PSTPIP1: variants seen among roughly 807,000 people sequenced by gnomAD.
The protein encoded by PSTPIP1 is proline-serine-threonine phosphatase interacting protein 1, also known as proline-serine-threonine phosphatase-interacting protein 1.
Under a neutral mutation model 69.6 loss-of-function variants are expected in PSTPIP1, and 66 were observed. The ratio of observed to expected loss-of-function variants is 0.95; its 90% CI spans 0.78 to 1.16. The LOEUF (loss-of-function observed/expected upper bound fraction) is 1.16. Ranked by LOEUF, PSTPIP1 falls within the 50% of genes most tolerant of loss-of-function variation. The probability of loss-of-function intolerance (pLI) is 0.00; values close to 1 mark genes in which losing one functional copy is unlikely to be tolerated. For missense variants in PSTPIP1, 603 were observed against 557.4 expected, an observed-to-expected ratio of 1.08 and a Z score of -0.82; for synonymous variants, 266 against 222.7, an observed-to-expected ratio of 1.19 and a Z score of -1.73.
Position 77,031,257 on chromosome 15 carries a change from G to T in PSTPIP1, c.720G>T (p.Met240Ile). The T allele has an allele frequency of 6.2e-7, 1 of 1,612,956 alleles. No homozygotes were observed. The highest frequency in any genetic ancestry group is 8.5e-7 in the Non-Finnish European group (1 of 1,179,576). ...ALWVHSNQLS[M>I]QCVKDDELYE... Reference sequence around the variant, plus strand: ...GGGTGCACAGCAACCAGCTCTCCATGCAGTGTGTCAAGGATGATGAGGTGG... The same window carrying T: ...GGGTGCACAGCAACCAGCTCTCCATTCAGTGTGTCAAGGATGATGAGGTGG... The change falls in exon 10 of 15, where the codon ATG (methionine) becomes ATT (isoleucine). Residue 240 changes from methionine (M) to isoleucine (I), a missense_variant. Physicochemically the swap from Met to Ile is conservative, Grantham distance 10. Transcript: ENST00000558012.
chr15:77,037,059 G>A lies in PSTPIP1; in HGVS notation c.1134G>A (p.Leu378=), dbSNP rs529402949. 5.5e-4 allele frequency: 883 copies of A among 1,612,220 alleles called. 3 individuals are homozygous for A. The highest frequency in any genetic ancestry group is 6.0e-4 in the East Asian group (27 of 44,876). Residue 378 remains leucine (L), a synonymous_variant, in exon 15 of 15, where the codon CTG becomes CTA. Transcript: ENST00000558012. ...YDYTAQNPDE[L]DLSAGDILEV... is the part of the protein sequence containing the mutation. ...CTCTTGGCCAGAACCCAGATGAGCTGGACCTGTCCGCGGGAGACATCCTGG... is the reference window on the plus strand; with the variant it reads ...CTCTTGGCCAGAACCCAGATGAGCTAGACCTGTCCGCGGGAGACATCCTGG...
At chr15:77,008,946 G>A (rs981454361) in intron 1 of PSTPIP1, among the ~76,000 whole-genome samples, 4 of 152,170 alleles carry the variant, frequency 2.6e-5, no homozygotes, top group East Asian at 1.9e-4. Flanking sequence ...CTTGGCAGGC[G>A]CCATCTTTGT....
At chr15:77,007,555 G>A (rs1179480253) in intron 1 of PSTPIP1, among the ~76,000 whole-genome samples, 8 of 151,958 alleles carry the variant, frequency 5.3e-5, no homozygotes, top group South Asian at 2.1e-4. Flanking sequence ...GTTGCAGTGA[G>A]CTGTAATCAT....
intron 12 of PSTPIP1, among the ~76,000 whole-genome samples, chr15:77,034,068 C>T (rs1362835429): frequency 3.3e-5 from 5 of 151,908 alleles, no homozygotes; most frequent in African/African-American, 7.3e-5. Flanking sequence ...CCTGCAGGGC[C>T]GAGGGAGGCC....
At chr15:77,015,751 G>A (rs771269246) in intron 1 of PSTPIP1, 25 of 358,520 alleles carry the variant, frequency 7.0e-5, no homozygotes, top group South Asian at 2.3e-4. Flanking sequence ...AGGAGGGCGC[G>A]GGCTGGGGGA....
intron 1 of PSTPIP1, chr15:77,007,829 C>G (rs180738579): frequency 4.5e-6 from 2 of 445,914 alleles, no homozygotes; most frequent in South Asian, 3.2e-5. Flanking sequence ...CTCCTGACCT[C>G]GTGATCTGCC....
At chr15:77,006,350 T>A (rs2469231) in intron 1 of PSTPIP1, among the ~76,000 whole-genome samples, 143,353 of 152,246 alleles carry the variant, frequency 0.94, 67,709 homozygotes, top group Middle Eastern at 0.99. Flanking sequence ...TTCTTTATAT[T>A]TTCTAGATAC....
intron 1 of PSTPIP1, among the ~76,000 whole-genome samples, chr15:77,015,145 A>G (rs2076024083): frequency 6.6e-6 from 1 of 152,208 alleles, no homozygotes; most frequent in Non-Finnish European, 1.5e-5. Context: ...CCCAAAATAC[A>G]GCTTTGATTT....
intron 6 of PSTPIP1, 44 bp from the exon 7 acceptor site, chr15:77,028,510 A>C (rs1424509021): frequency 6.7e-7 from 1 of 1,498,858 alleles, no homozygotes; most frequent in Non-Finnish European, 9.1e-7. Flanking sequence ...GGACCACAGA[A>C]CAGGGCTGTG....
intron 3 of PSTPIP1, among the ~76,000 whole-genome samples, chr15:77,020,232 C>T (rs768425112): frequency 6.6e-5 from 10 of 152,210 alleles, no homozygotes; most frequent in Non-Finnish European, 1.2e-4. Context: ...AGGCTCTGGG[C>T]GGCCCTGATT....
chr15:77,036,756 TGAGCA>T (rs1372022289), intron 14 of PSTPIP1, among the ~76,000 whole-genome samples: 7 of 152,014 alleles, frequency 4.6e-5, no homozygotes, highest in Admixed American at 2.0e-4. Flanking sequence ...TGGGGTATGA[TGAGCA>T]CCCGTGACCC....
chr15:77,023,325 C>T (rs1167078150), intron 3 of PSTPIP1, among the ~76,000 whole-genome samples: 1 of 152,226 alleles, frequency 6.6e-6, no homozygotes, highest in African/African-American at 2.4e-5. Context: ...GGCAAAGATG[C>T]AGCAATGGAG....
chr15:77,030,634 C>T, intron 9 of PSTPIP1, 53 bp downstream of exon 9: 1 of 1,520,538 alleles, frequency 6.6e-7, no homozygotes, highest in Non-Finnish European at 8.9e-7. Context: ...TGTGAGACGC[C>T]CATCCCTACT....
At chr15:77,019,745 G>A (rs1325834101) in intron 3 of PSTPIP1, among the ~76,000 whole-genome samples, 6 of 151,814 alleles carry the variant, frequency 4.0e-5, no homozygotes, top group African/African-American at 1.4e-4. Flanking sequence ...CAAGGGAAGG[G>A]CTGAGGGCCG....
At chr15:77,022,481 C>A (rs1255589260) in intron 3 of PSTPIP1, among the ~76,000 whole-genome samples, 1 of 152,224 alleles carries the variant, frequency 6.6e-6, no homozygotes, top group African/African-American at 2.4e-5. Context: ...CTGTGCAGGA[C>A]CCTGTCTTCA....
chr15:76,995,807 A>G (rs1179535478), intron 1 of PSTPIP1, among the ~76,000 whole-genome samples, 198 bp downstream of exon 1: 3 of 152,198 alleles, frequency 2.0e-5, no homozygotes, highest in African/African-American at 7.2e-5. Flanking sequence ...TCCGTGAATG[A>G]GCGTCCTCCT....
At chr15:77,017,639 G>A (rs560418994) in intron 1 of PSTPIP1, among the ~76,000 whole-genome samples, 3 of 152,336 alleles carry the variant, frequency 2.0e-5, no homozygotes, top group African/African-American at 2.4e-5. Context: ...CAGTGCTGAG[G>A]TGAAGGGCAG....
intron 1 of PSTPIP1, chr15:77,007,886 G>T (rs949231756): frequency 2.2e-6 from 1 of 455,918 alleles, no homozygotes. Context: ...GAGCCACCGC[G>T]CCCGACTGGC....
chr15:77,023,010 T>G (rs750960050), intron 3 of PSTPIP1, among the ~76,000 whole-genome samples: 1 of 152,240 alleles, frequency 6.6e-6, no homozygotes, highest in Non-Finnish European at 1.5e-5. Flanking sequence ...AGAGGCTGAA[T>G]GTCCACCTGG....
Sources: allele counts gnomAD v4.1 joint callset (sites outside exome capture counted in the v4.1 genomes callset), GRCh38; gene constraint gnomAD v4.1.1; transcripts MANE v1.5; gene names NCBI Gene and HGNC (gene_info 2026-07-23, HGNC 2026-07-21).